Variants in NPFFR2 observed in about 807,000 individuals in gnomAD.
NPFFR2 encodes the protein G-protein coupled receptor 74.
Under a neutral mutation model 13.1 loss-of-function variants are expected in NPFFR2, and 15 were observed. The ratio of observed to expected loss-of-function variants is 1.15; its 90% CI spans 0.77 to 1.76. The LOEUF is 1.76. Ranked by LOEUF, NPFFR2 falls within the 40% of genes most tolerant of loss-of-function variation. The pLI, the probability that NPFFR2 is intolerant of heterozygous loss-of-function variation, is 0.00. For missense variants in NPFFR2, 572 were observed against 503.5 expected (o/e 1.14, Z -1.30); for synonymous variants, 190 against 175.7 (o/e 1.08, Z -0.65).
chr4:72,119,759 C>T (rs1721813875), intron 1 of NPFFR2, among the ~76,000 whole-genome samples: 2 of 152,246 alleles, frequency 1.3e-5, no homozygotes, highest in South Asian at 4.1e-4. Context: ...AAATACTACA[C>T]TTTTCCCATG....
At chr4:72,055,303 A>AATT (rs1268525185) in intron 1 of NPFFR2, among the ~76,000 whole-genome samples, 2 of 151,552 alleles carry the variant, frequency 1.3e-5, no homozygotes, top group African/African-American at 2.4e-5. Flanking sequence ...TTCTTGTGAT[A>AATT]ATAAAAAAGT....
At chr4:72,073,033 T>C (rs1372203783) in intron 1 of NPFFR2, among the ~76,000 whole-genome samples, 1 of 151,772 alleles carries the variant, frequency 6.6e-6, no homozygotes, top group Non-Finnish European at 1.5e-5. Flanking sequence ...CAAAATAGAG[T>C]TTTTAAAATG....
At chr4:72,120,419 G>T (rs1358396629) in intron 1 of NPFFR2, among the ~76,000 whole-genome samples, 1 of 152,224 alleles carries the variant, frequency 6.6e-6, no homozygotes, top group Non-Finnish European at 1.5e-5. Context: ...GGGCCAGACT[G>T]CCTCCTCAAG....
At chr4:72,135,649 TG>T (rs1175753226) in intron 2 of NPFFR2, among the ~76,000 whole-genome samples, 1 of 152,042 alleles carries the variant, frequency 6.6e-6, no homozygotes, top group Non-Finnish European at 1.5e-5. Context: ...ATATCTCTGG[TG>T]TTATTAGTAA....
intron 2 of NPFFR2, among the ~76,000 whole-genome samples, chr4:72,130,307 T>TAATGCA (rs571811731): frequency 0.044 from 6,675 of 152,268 alleles, 406 homozygotes; most frequent in African/African-American, 0.14. Flanking sequence ...CTGATATGAT[T>TAATGCA]ATGTCTTCAG....
intron 1 of NPFFR2, among the ~76,000 whole-genome samples, chr4:72,116,486 T>G (rs1721717599): frequency 6.6e-6 from 1 of 151,860 alleles, no homozygotes; most frequent in South Asian, 2.1e-4. Flanking sequence ...ACCTGGGTGA[T>G]GGGATCATTC....
intron 3 of NPFFR2, among the ~76,000 whole-genome samples, chr4:72,138,703 A>G (rs1056841373): frequency 1.3e-5 from 2 of 152,186 alleles, no homozygotes; most frequent in African/African-American, 4.8e-5. Flanking sequence ...GCTATTGTGA[A>G]TAGTGCCACA....
chr4:72,050,024 G>A (rs2109763701), intron 1 of NPFFR2, among the ~76,000 whole-genome samples: 1 of 152,134 alleles, frequency 6.6e-6, no homozygotes, highest in African/African-American at 2.4e-5. Context: ...GGAATTTTTA[G>A]CACTCCCATC....
chr4:72,068,796 A>G, intron 1 of NPFFR2: 1 of 372,832 alleles, frequency 2.7e-6, no homozygotes, highest in Non-Finnish European at 4.9e-6. Context: ...AATAGAACTT[A>G]ATAATGCTTA....
At chr4:72,042,127 A>T (rs1411740530) in intron 1 of NPFFR2, among the ~76,000 whole-genome samples, 2 of 152,092 alleles carry the variant, frequency 1.3e-5, no homozygotes, top group South Asian at 4.2e-4. Flanking sequence ...CATAATCCCC[A>T]TGTGTCCCTG....
At chr4:72,048,096 TTATG>T (rs1439519341) in intron 1 of NPFFR2, among the ~76,000 whole-genome samples, 2 of 152,050 alleles carry the variant, frequency 1.3e-5, no homozygotes, top group African/African-American at 4.8e-5. Flanking sequence ...ACATATATGT[TTATG>T]TATAGGTCAT....
intron 1 of NPFFR2, among the ~76,000 whole-genome samples, chr4:72,104,962 A>G (rs898082499): frequency 7.4e-6 from 1 of 134,958 alleles, no homozygotes; most frequent in Non-Finnish European, 1.7e-5. Flanking sequence ...AAGAATTGTA[A>G]ACAACAGTAT....
chr4:72,094,449 G>C (rs960719061), intron 1 of NPFFR2, among the ~76,000 whole-genome samples: 2 of 152,094 alleles, frequency 1.3e-5, no homozygotes. Context: ...CAGCTACCAG[G>C]GCAGGTAGAG....
At chr4:72,051,233 T>C (rs1333041399) in intron 1 of NPFFR2, among the ~76,000 whole-genome samples, 2 of 151,626 alleles carry the variant, frequency 1.3e-5, no homozygotes, top group Admixed American at 1.3e-4. Flanking sequence ...CCACCAACAG[T>C]GTAAATGGAA....
At position 72,032,138 on chromosome 4, in the gene NPFFR2, C is replaced by G. The variant is rs1045094964; in HGVS notation, c.-70C>G. On this transcript the variant is annotated 5_prime_UTR_variant, in exon 1 of 4. Coordinates refer to ENST00000308744, the MANE Select transcript of NPFFR2 (RefSeq NM_004885.3). The stretch of plus-strand genomic sequence containing the variant: ...GCTGGAGCCGGAGCAGGGACAGAAC[C>G]TGTTGCTGCAGACGGGCTTGGTGGA... 2 of 1,614,072 alleles carry G rather than the reference C, an allele frequency of 1.2e-6. No individual in the cohort carries two copies. The highest frequency in any genetic ancestry group is 3.3e-5 in the Admixed American group (2 of 60,020).
intron 1 of NPFFR2, among the ~76,000 whole-genome samples, chr4:72,078,737 A>G (rs1720513767): frequency 6.6e-6 from 1 of 152,188 alleles, no homozygotes; most frequent in African/African-American, 2.4e-5. Context: ...AAGAGAATAG[A>G]AAAAGCAGAA....
intron 3 of NPFFR2, among the ~76,000 whole-genome samples, chr4:72,144,322 A>G (rs190118326): frequency 5.8e-4 from 88 of 152,296 alleles, no homozygotes; most frequent in African/African-American, 2.1e-3. Context: ...CCCAGAAGAG[A>G]GTACCAGCAA....
At chr4:72,112,777 G>A (rs760769803) in intron 1 of NPFFR2, among the ~76,000 whole-genome samples, 4 of 151,878 alleles carry the variant, frequency 2.6e-5, no homozygotes, top group Non-Finnish European at 4.4e-5. Flanking sequence ...CTCACAATGA[G>A]TCACATTGTG....
chr4:72,061,107 G>C (rs1292797237), intron 1 of NPFFR2, among the ~76,000 whole-genome samples: 2 of 152,104 alleles, frequency 1.3e-5, no homozygotes, highest in Non-Finnish European at 2.9e-5. Context: ...TCTCTATCAA[G>C]TTTTAGAAAA....
Sources: allele counts gnomAD v4.1 joint callset (sites outside exome capture counted in the v4.1 genomes callset), GRCh38; gene constraint gnomAD v4.1.1; transcripts MANE v1.5; gene names NCBI Gene and HGNC (gene_info 2026-07-23, HGNC 2026-07-21).